RELB: variants seen among roughly 807,000 people sequenced by gnomAD.
RELB encodes the protein RELB proto-oncogene, NF-kB subunit, also known as transcription factor RelB.
Under a neutral mutation model 55.4 loss-of-function variants are expected in RELB, and 14 were observed. That is an observed-to-expected ratio of 0.25 (90% confidence interval 0.17 to 0.40). The LOEUF (loss-of-function observed/expected upper bound fraction) is 0.40. Among genes scored for constraint, RELB ranks in the 10% least tolerant of loss-of-function variants. RELB has a pLI of 1.00. For synonymous variants in RELB, 409 were observed against 371.3 expected, an observed-to-expected ratio of 1.10 and a Z score of -1.17; for missense variants, 669 against 830.7, an observed-to-expected ratio of 0.81 and a Z score of 2.39.
chr19:45,004,816 G>A (rs1039735610), intron 2 of RELB, among the ~76,000 whole-genome samples: 1 of 151,644 alleles, frequency 6.6e-6, no homozygotes. Flanking sequence ...GCCGTGAGCC[G>A]AGATCATGGC....
At chr19:45,030,621 G>A (rs1166476284) in intron 8 of RELB, among the ~76,000 whole-genome samples, 2 of 152,084 alleles carry the variant, frequency 1.3e-5, no homozygotes, top group Non-Finnish European at 2.9e-5. Context: ...AACACAGTGA[G>A]ACTCTGTCTC....
rs1223094065 is a variant in RELB, at chr19:45,016,110, G to A, written c.504+3834G>A. ...AGTGATTCTCCTGCCTCAGCCTCCC[G>A]GGTAGCTGAGATTACAGGCACCTGC... On this transcript the variant is annotated intron_variant, in intron 4 of 11. Transcript: ENST00000221452. 2.0e-5 allele frequency among the ~76,000 whole-genome samples: 3 copies of A among 151,544 alleles called. 1 individual carries two copies. Among genetic ancestry groups the A allele is most frequent in the Admixed American group, 1.3e-4 (2 of 15,176 alleles).
intron 9 of RELB, among the ~76,000 whole-genome samples, chr19:45,033,874 G>A (rs1238117190): frequency 1.3e-5 from 2 of 151,088 alleles, no homozygotes; most frequent in Non-Finnish European, 2.9e-5. Flanking sequence ...AAAAAAATAG[G>A]CCTGGCACAG....
At chr19:45,003,023 C>T in intron 2 of RELB, 27 bp downstream of exon 2, 6 of 1,607,506 alleles carry the variant, frequency 3.7e-6, no homozygotes, top group African/African-American at 1.3e-5. Context: ...AGTTCCTGCC[C>T]ACTCGCTCAT....
chr19:45,037,763 C>T lies in RELB; in HGVS notation c.1713C>T (p.Leu571=), dbSNP rs777140354. ...GCGAGGCGGCCTTTGGGGGCGGCCT[C>T]CTATCCCCGGGGCCTGAAGCCACGT... ...HYREAAFGGG[L]LSPGPEAT The change falls in exon 12 of 12, where the codon CTC becomes CTT. Residue 571 remains leucine (L), a synonymous_variant. Transcript: ENST00000221452. The T allele has an allele frequency of 9.4e-6, 14 of 1,487,838 alleles. No individual in the cohort carries two copies. Among genetic ancestry groups the T allele is most frequent in the African/African-American group, 1.4e-5 (1 of 69,194 alleles). 92.2% of individuals were successfully genotyped at this position (1,487,838 alleles called of 1,614,324 possible).
intron 7 of RELB, among the ~76,000 whole-genome samples, chr19:45,026,430 G>T (rs1306687742): frequency 6.6e-6 from 1 of 151,886 alleles, no homozygotes; most frequent in African/African-American, 2.4e-5. Flanking sequence ...GCAAAAATTA[G>T]CTGGGCATGG....
intron 4 of RELB, among the ~76,000 whole-genome samples, chr19:45,019,878 T>G (rs1971462142): frequency 6.6e-6 from 1 of 152,058 alleles, no homozygotes; most frequent in South Asian, 2.1e-4. Context: ...TGTTTCTCCA[T>G]GTTGGTCAGC....
chr19:45,026,458 C>G (rs1971559166), intron 7 of RELB, among the ~76,000 whole-genome samples: 1 of 150,392 alleles, frequency 6.6e-6, no homozygotes, highest in Non-Finnish European at 1.5e-5. Context: ...CGTCTGTAAT[C>G]CCTGCTACCT....
At chr19:45,036,756 G>A (rs992487938) in intron 11 of RELB, among the ~76,000 whole-genome samples, 1 of 152,048 alleles carries the variant, frequency 6.6e-6, no homozygotes, top group Non-Finnish European at 1.5e-5. Flanking sequence ...ATCATACTTC[G>A]CTGCAGCCTC....
Position 45,006,552 on chromosome 19 carries a change from G to T in RELB, c.155-3262G>T, listed in dbSNP as rs1315504126. ...GGCCAGACATATGCTGGACCCTGGG[G>T]ATAAAATGAGGAGAAACAGACATTA... On this transcript the variant is annotated intron_variant, in intron 2 of 11. Transcript: ENST00000221452. Among the ~76,000 whole-genome samples the T allele has an allele frequency of 1.3e-5, 2 of 152,062 alleles. 1 individual carries two copies. The highest frequency in any genetic ancestry group is 1.3e-4 in the Admixed American group (2 of 15,234).
intron 4 of RELB, among the ~76,000 whole-genome samples, chr19:45,019,054 C>G (rs577939638): frequency 5.2e-4 from 79 of 152,220 alleles, no homozygotes; most frequent in African/African-American, 1.8e-3. Flanking sequence ...TACACACACA[C>G]AGATACATAC....
chr19:45,018,340 C>T lies in RELB; in HGVS notation c.505-3713C>T, dbSNP rs139164664. Among the ~76,000 whole-genome samples the T allele has an allele frequency of 3.6e-3, 540 of 152,050 alleles. 3 individuals carry two copies. Among genetic ancestry groups the T allele is most frequent in the Middle Eastern group, 6.8e-3 (2 of 294 alleles). ...AATGGCGTGAACCCAGGAGGTGGAG[C>T]GTGCAGTGAGCTGAGATCGTGCCAC... On this transcript the variant is annotated intron_variant, in intron 4 of 11. Transcript: ENST00000221452.
chr19:45,019,343 T>A (rs1971456626), intron 4 of RELB, among the ~76,000 whole-genome samples: 1 of 151,848 alleles, frequency 6.6e-6, no homozygotes. Context: ...GGATTACAGG[T>A]GTGAGCCACC....
At chr19:45,037,099 T>C (rs1038391433) in intron 11 of RELB, among the ~76,000 whole-genome samples, 1 of 151,950 alleles carries the variant, frequency 6.6e-6, no homozygotes, top group Admixed American at 6.6e-5. Flanking sequence ...GCAAACATGG[T>C]GAAACCCCGT....
At chr19:45,025,533 C>A in intron 6 of RELB, 73 bp from the exon 7 acceptor site, 2 of 1,594,254 alleles carry the variant, frequency 1.3e-6, no homozygotes, top group Non-Finnish European at 1.7e-6. Flanking sequence ...AGCCCCATCC[C>A]TTCCCCGTTC....
intron 4 of RELB, among the ~76,000 whole-genome samples, chr19:45,016,838 G>A (rs1417756084): frequency 6.6e-6 from 1 of 151,732 alleles, no homozygotes; most frequent in Non-Finnish European, 1.5e-5. Context: ...GCCTGTGCGA[G>A]ATCCTGTCTT....
chr19:45,013,816 G>A (rs1444457806), intron 4 of RELB, among the ~76,000 whole-genome samples: 2 of 151,878 alleles, frequency 1.3e-5, no homozygotes, highest in South Asian at 2.1e-4. Flanking sequence ...TGAGCGACAA[G>A]AGCAAAACTC....
intron 11 of RELB, among the ~76,000 whole-genome samples, chr19:45,035,335 G>A (rs988946507): frequency 5.3e-5 from 8 of 151,492 alleles, no homozygotes; most frequent in South Asian, 2.1e-4. Context: ...CCTGGCCAAC[G>A]TGGTAAAACC....
rs368073587 is a variant in RELB at position 45,027,793 on chromosome 19, C to T, written c.887-1095C>T. ...CACTACATGATTACAGTCTATCAAA[C>T]TCTCCTCAAGGAACCTTCTCTCACC... On this transcript the variant is annotated intron_variant, in intron 7 of 11. Coordinates refer to ENST00000221452, the MANE Select transcript of RELB (RefSeq NM_006509.4). Among the ~76,000 whole-genome samples the T allele has an allele frequency of 2.0e-4, 31 of 152,144 alleles. No individual in the cohort carries two copies. In the East Asian group the frequency reaches 5.0e-3, roughly 25 times the overall value.
Sources: gnomAD v4.1 joint callset for allele counts (sites outside exome capture counted in the v4.1 genomes callset) on GRCh38, gnomAD v4.1.1 for gene constraint, MANE v1.5 for transcripts, NCBI Gene and HGNC (gene_info 2026-07-23, HGNC 2026-07-21) for gene names.